The following FIP1L1 variants were observed in gnomAD, a reference collection of about 807,000 sequenced individuals.
FIP1L1 encodes the protein pre-mRNA 3'-end-processing factor FIP1.
In FIP1L1, 21 loss-of-function variants were observed where a neutral mutation model predicts 84.6. That is an observed-to-expected ratio of 0.25 (90% CI 0.18 to 0.36). The LOEUF (loss-of-function observed/expected upper bound fraction) is 0.36. Among genes scored for constraint, FIP1L1 ranks in the 10% least tolerant of loss-of-function variants. FIP1L1 has a pLI of 1.00. For synonymous variants in FIP1L1, 263 were observed against 242.3 expected, an observed-to-expected ratio of 1.09 and a Z score of -0.80; for missense variants, 526 against 751.1, an observed-to-expected ratio of 0.70 and a Z score of 3.50.
At chr4:53,399,290 C>T (rs894153267) in intron 9 of FIP1L1, among the ~76,000 whole-genome samples, 3 of 152,202 alleles carry the variant, frequency 2.0e-5, no homozygotes, top group African/African-American at 4.8e-5. Flanking sequence ...CAGGAAATCA[C>T]AGTCTGAATA....
intron 13 of FIP1L1, among the ~76,000 whole-genome samples, chr4:53,430,931 C>T (rs1277943300): frequency 6.6e-6 from 1 of 152,166 alleles, no homozygotes; most frequent in African/African-American, 2.4e-5. Flanking sequence ...GAGCAGGATA[C>T]CAGTTCATTA....
At chr4:53,385,191 T>C (rs1235638553) in intron 5 of FIP1L1, among the ~76,000 whole-genome samples, 2 of 152,174 alleles carry the variant, frequency 1.3e-5, no homozygotes, top group African/African-American at 4.8e-5. Context: ...GCCTTTACTA[T>C]CTGCATGATG....
At chr4:53,433,485 A>C (rs1767641072) in intron 13 of FIP1L1, among the ~76,000 whole-genome samples, 1 of 148,130 alleles carries the variant, frequency 6.8e-6, no homozygotes, top group Admixed American at 6.9e-5. Flanking sequence ...TTTAAATGTT[A>C]ATTTACTTCA....
intron 16 of FIP1L1, among the ~76,000 whole-genome samples, chr4:53,453,664 A>G (rs370724751): frequency 6.6e-5 from 10 of 152,122 alleles, no homozygotes; most frequent in Non-Finnish European, 1.0e-4. Context: ...TTGTTTCCCA[A>G]TGCATTGTTC....
chr4:53,432,487 T>C (rs901454726), intron 13 of FIP1L1, among the ~76,000 whole-genome samples: 1 of 152,078 alleles, frequency 6.6e-6, no homozygotes, highest in Non-Finnish European at 1.5e-5. Context: ...TGTTATTTCA[T>C]TTTCTCGTGA....
At chr4:53,406,894 T>C (rs767698411) in intron 10 of FIP1L1, among the ~76,000 whole-genome samples, 17 of 152,136 alleles carry the variant, frequency 1.1e-4, no homozygotes, top group Non-Finnish European at 2.1e-4. Context: ...TTTGATTCTT[T>C]TCTCTTTTCT....
chr4:53,404,010 CT>C (rs34458530), intron 10 of FIP1L1, among the ~76,000 whole-genome samples: 19,525 of 149,046 alleles, frequency 0.13, 2,520 homozygotes, highest in African/African-American at 0.32. Context: ...ATAAAATGCA[CT>C]TTTTTTTTTT....
At chr4:53,436,093 G>T (rs773908703) in intron 13 of FIP1L1, among the ~76,000 whole-genome samples, 1 of 152,140 alleles carries the variant, frequency 6.6e-6, no homozygotes, top group Non-Finnish European at 1.5e-5. Flanking sequence ...TACATATTCT[G>T]CCATTTTTTT....
At position 53,435,134 on chromosome 4, in the gene FIP1L1, A is replaced by G. The variant is rs377426045; in HGVS notation, c.1174+6951A>G. On this transcript the variant is annotated intron_variant, in intron 13 of 17. Transcript: ENST00000337488. Reference sequence around the variant, plus strand: ...TTATTCTTGTGTTTTTCTATATTCAATTTAAAAAGCCTGCCTATCAGTGTT... The same window carrying G: ...TTATTCTTGTGTTTTTCTATATTCAGTTTAAAAAGCCTGCCTATCAGTGTT... 8.5e-5 allele frequency among the ~76,000 whole-genome samples: 13 copies of G among 152,326 alleles called. 1 individual carries two copies. The East Asian group carries it at 1.2e-3, about 14-fold the overall frequency.
intron 10 of FIP1L1, among the ~76,000 whole-genome samples, chr4:53,404,010 CTT>C (rs34458530): frequency 6.0e-5 from 9 of 149,116 alleles, no homozygotes; most frequent in Middle Eastern, 3.5e-3. Flanking sequence ...ATAAAATGCA[CTT>C]TTTTTTTTTT....
At chr4:53,402,429 CTG>C (rs1750760743) in intron 10 of FIP1L1, among the ~76,000 whole-genome samples, 1 of 152,084 alleles carries the variant, frequency 6.6e-6, no homozygotes, top group Non-Finnish European at 1.5e-5. Flanking sequence ...TGGCTGGGCA[CTG>C]TAGCTCATGC....
At position 53,399,754 on chromosome 4, in the gene FIP1L1, T is replaced by G. The variant is rs1417930877; in HGVS notation, c.730T>G (p.Ser244Ala). 1 of 1,613,026 alleles carries G rather than the reference T, an allele frequency of 6.2e-7. No individual in the cohort carries two copies. Among genetic ancestry groups the G allele is most frequent in the African/African-American group, 1.3e-5 (1 of 74,858 alleles). The change falls in exon 10 of 18, where the codon TCA (serine) becomes GCA (alanine). Residue 244 changes from serine (S) to alanine (A), a missense_variant. By Grantham distance (99) the Ser-to-Ala change is moderately conservative. Transcript: ENST00000337488. ...FKVQQGRTGN[S>A]EKETALPSTK... The stretch of plus-strand genomic sequence containing the variant: ...GGTACAGCAGGGAAGAACTGGAAAC[T>G]CAGAGAAAGAAACTGCCCTTCCATC...
intron 10 of FIP1L1, among the ~76,000 whole-genome samples, chr4:53,402,285 TAGAA>T (rs982907732): frequency 3.3e-5 from 5 of 152,068 alleles, no homozygotes; most frequent in South Asian, 2.1e-4. Context: ...GGAAAAGAAT[TAGAA>T]AGAGAAAATA....
intron 12 of FIP1L1, among the ~76,000 whole-genome samples, chr4:53,427,806 T>A (rs1481274634): frequency 6.6e-6 from 1 of 152,192 alleles, no homozygotes; most frequent in Non-Finnish European, 1.5e-5. Flanking sequence ...TTCTTAAGAT[T>A]TGAATATGCA....
intron 5 of FIP1L1, among the ~76,000 whole-genome samples, chr4:53,389,599 C>T (rs3762877): frequency 0.13 from 19,768 of 152,070 alleles, 2,562 homozygotes; most frequent in African/African-American, 0.32. Context: ...GGGAGGATTG[C>T]TTGAGCTCTG....
At chr4:53,444,645 C>T (rs1402441259) in intron 15 of FIP1L1, among the ~76,000 whole-genome samples, 7 of 151,948 alleles carry the variant, frequency 4.6e-5, no homozygotes, top group East Asian at 1.9e-4. Context: ...CCTAGGCTGG[C>T]GTGCAGTGGT....
At chr4:53,451,805 AT>A (rs1417518867) in intron 15 of FIP1L1, among the ~76,000 whole-genome samples, 1 of 151,570 alleles carries the variant, frequency 6.6e-6, no homozygotes, top group Non-Finnish European at 1.5e-5. Flanking sequence ...TATGATTACC[AT>A]TTATTTGTTC....
intron 15 of FIP1L1, among the ~76,000 whole-genome samples, chr4:53,446,238 G>A (rs1370512814): frequency 6.6e-6 from 1 of 151,320 alleles, no homozygotes; most frequent in East Asian, 1.9e-4. Flanking sequence ...CATAGTCCTT[G>A]GGTTGTAATC....
Position 53,414,636 on chromosome 4 carries a change from T to G in FIP1L1, c.837T>G (p.Ser279=). ...PPSRNSTSSQ[S]QTSTASRKAN... is the part of the protein sequence containing the mutation. ...CCAGAAACAGCACTTCTTCTCAGTCTCAGACAAGTACTGCCTCCAGAAAAG... is the reference window on the plus strand; with the variant it reads ...CCAGAAACAGCACTTCTTCTCAGTCGCAGACAAGTACTGCCTCCAGAAAAG... Residue 279 remains serine (S), a synonymous_variant, in exon 11 of 18, where the codon TCT becomes TCG. Coordinates refer to ENST00000337488, the MANE Select transcript of FIP1L1 (RefSeq NM_030917.4). The G allele has an allele frequency of 6.2e-7, 1 of 1,612,554 alleles. No individual in the cohort carries two copies. The highest frequency in any genetic ancestry group is 1.7e-4 in the Middle Eastern group (1 of 6,058).
Sources: gnomAD v4.1 joint callset for allele counts (sites outside exome capture counted in the v4.1 genomes callset) on GRCh38, gnomAD v4.1.1 for gene constraint, MANE v1.5 for transcripts, NCBI Gene and HGNC (gene_info 2026-07-23, HGNC 2026-07-21) for gene names.